PRKN: variants seen among roughly 807,000 people sequenced by gnomAD.
The protein encoded by PRKN is parkin RBR E3 ubiquitin protein ligase.
PRKN carries 56 observed loss-of-function variants against 59.5 expected under a neutral mutation model. The observed-to-expected ratio is 0.94, with a 90% CI of 0.76 to 1.18. The LOEUF is 1.18. Ranked by LOEUF, PRKN falls within the 50% of genes most tolerant of loss-of-function variation. PRKN has a pLI of 0.00. For missense variants in PRKN, 657 were observed against 596.4 expected (o/e 1.10, Z -1.06); for synonymous variants, 250 against 222.1 (o/e 1.13, Z -1.12).
intron 1 of PRKN, among the ~76,000 whole-genome samples, chr6:162,649,178 C>T (rs1435197808): frequency 1.3e-5 from 2 of 152,102 alleles, no homozygotes; most frequent in Admixed American, 1.3e-4. Context: ...TAATAATCAA[C>T]AAGTATTTAT....
intron 2 of PRKN, among the ~76,000 whole-genome samples, chr6:162,416,887 AT>A (rs907562569): frequency 6.6e-6 from 1 of 152,156 alleles, no homozygotes; most frequent in Non-Finnish European, 1.5e-5. Flanking sequence ...AATTAAAGAA[AT>A]TTTTTATTTA....
intron 2 of PRKN, among the ~76,000 whole-genome samples, chr6:162,295,476 G>A (rs555836962): frequency 5.4e-4 from 82 of 152,174 alleles, no homozygotes; most frequent in African/African-American, 1.9e-3. Context: ...AGCATCCCTC[G>A]CCAGCTGAGA....
intron 9 of PRKN, among the ~76,000 whole-genome samples, chr6:161,511,312 G>T (rs1778380857): frequency 6.6e-6 from 1 of 152,116 alleles, no homozygotes; most frequent in South Asian, 2.1e-4. Flanking sequence ...CTAGATTGCT[G>T]CTACATATAT....
chr6:162,529,828 T>C (rs937955441), intron 1 of PRKN, among the ~76,000 whole-genome samples: 3 of 152,156 alleles, frequency 2.0e-5, no homozygotes, highest in African/African-American at 7.2e-5. Context: ...ATAGCAACAG[T>C]AGATAAAGTA....
At chr6:162,483,622 C>T (rs534994538) in intron 1 of PRKN, among the ~76,000 whole-genome samples, 4 of 152,038 alleles carry the variant, frequency 2.6e-5, no homozygotes, top group South Asian at 2.1e-4. Flanking sequence ...TGTGATAACA[C>T]ATGATGTTCC....
At chr6:162,067,899 A>G (rs2128289750) in intron 4 of PRKN, among the ~76,000 whole-genome samples, 1 of 152,358 alleles carries the variant, frequency 6.6e-6, no homozygotes, top group East Asian at 1.9e-4. Context: ...TTTCAGACAC[A>G]GTTTTAAAAA....
intron 1 of PRKN, among the ~76,000 whole-genome samples, chr6:162,716,764 GCGCGCACGCACACACACA>G (rs1054063372): frequency 7.0e-5 from 10 of 142,118 alleles, no homozygotes; most frequent in African/African-American, 2.6e-4. Flanking sequence ...GCCTGCGCGC[GCGCGCACGCACACACACA>G]CGCGCACACA....
intron 1 of PRKN, among the ~76,000 whole-genome samples, chr6:162,456,950 C>T (rs1318014773): frequency 6.6e-6 from 1 of 152,142 alleles, no homozygotes; most frequent in East Asian, 1.9e-4. Context: ...ACAATGAAAT[C>T]ACCAATAAAA....
At chr6:161,366,982 C>CTTT (rs57164972) in intron 10 of PRKN, among the ~76,000 whole-genome samples, 19 of 91,968 alleles carry the variant, frequency 2.1e-4, no homozygotes, top group African/African-American at 2.6e-4. Flanking sequence ...TTTTTGTTTC[C>CTTT]TTTTTTTTTT....
chr6:161,985,505 G>GAC (rs1781403799), intron 5 of PRKN, among the ~76,000 whole-genome samples: 1 of 152,156 alleles, frequency 6.6e-6, no homozygotes, highest in Admixed American at 6.5e-5. Context: ...AAACTGAGGA[G>GAC]ACAGGTCACA....
At chr6:161,500,919 G>C (rs545749) in intron 9 of PRKN, among the ~76,000 whole-genome samples, 1 of 142,588 alleles carries the variant, frequency 7.0e-6, no homozygotes, top group East Asian at 2.1e-4. Context: ...TCTGTCGCCC[G>C]GGCTGGAGTG....
rs377433903 is a variant in PRKN, at chr6:162,339,947, G to C, written c.172-77182C>G. On this transcript the variant is annotated intron_variant, in intron 2 of 11. Coordinates refer to ENST00000366898, the MANE Select transcript of PRKN (RefSeq NM_004562.3). ...ACAGATGCTTGAAGGCAGCATGCTC[G>C]TTAAGAGTCATCACCAATCCCTAAT... is the stretch of plus-strand genomic sequence containing the variant. Among the ~76,000 whole-genome samples the C allele has an allele frequency of 5.1e-3, 732 of 144,782 alleles. 5 individuals carry two copies. Among genetic ancestry groups the C allele is most frequent in the African/African-American group, 0.016 (608 of 37,954 alleles). 95.0% of individuals were successfully genotyped at this position (144,782 alleles called of 152,430 possible). A position where few individuals can be genotyped will look rare whatever the true frequency, so the allele number is the denominator to read the frequency against.
At chr6:162,701,056 T>G (rs997248171) in intron 1 of PRKN, among the ~76,000 whole-genome samples, 1 of 152,160 alleles carries the variant, frequency 6.6e-6, no homozygotes, top group Non-Finnish European at 1.5e-5. Flanking sequence ...GGACTCCCTC[T>G]GAGATCAACA....
intron 9 of PRKN, among the ~76,000 whole-genome samples, chr6:161,450,323 C>T (rs1442264836): frequency 6.6e-6 from 1 of 152,200 alleles, no homozygotes; most frequent in Admixed American, 6.5e-5. Context: ...CCTGACTCAA[C>T]CAGAAGCTCA....
chr6:161,593,633 C>T lies in PRKN; in HGVS notation c.872-24217G>A, dbSNP rs1031963247. Reference sequence around the variant, plus strand: ...GGAAAAGGAGGCAGGGGTTGCGCTGCCACTTTTATCCTGAGGAACCGGCTG... The same window carrying T: ...GGAAAAGGAGGCAGGGGTTGCGCTGTCACTTTTATCCTGAGGAACCGGCTG... On this transcript the variant is annotated intron_variant, in intron 7 of 11. Coordinates refer to ENST00000366898, the MANE Select transcript of PRKN (RefSeq NM_004562.3). This position sits in a 1 kb window ranked among gnomAD's most constrained non-coding sequence, Gnocchi z 4.8. 6.6e-6 allele frequency among the ~76,000 whole-genome samples: 1 copy of T among 152,072 alleles called. No individual in the cohort carries two copies. The highest frequency in any genetic ancestry group is 2.4e-5 in the African/African-American group (1 of 41,402).
At chr6:162,247,767 TCTACAATTATGAAAGGCAAA>T (rs1203770123) in intron 3 of PRKN, among the ~76,000 whole-genome samples, 3 of 152,124 alleles carry the variant, frequency 2.0e-5, no homozygotes, top group African/African-American at 7.2e-5. Context: ...AAAATAAAAA[TCTACAATTATGAAAGGCAAA>T]GTTTCCTCAC....
intron 6 of PRKN, among the ~76,000 whole-genome samples, chr6:161,924,945 G>A (rs1182346733): frequency 1.3e-5 from 2 of 152,220 alleles, no homozygotes; most frequent in African/African-American, 2.4e-5. Context: ...ACGGCTGCCC[G>A]TGGGGAGGCT....
intron 2 of PRKN, among the ~76,000 whole-genome samples, chr6:162,266,298 TTG>T (rs60841593): frequency 0.095 from 13,825 of 145,808 alleles, 849 homozygotes; most frequent in African/African-American, 0.18. Flanking sequence ...TACATATATA[TTG>T]TGTGTGTGTG....
At position 161,459,325 on chromosome 6, in the gene PRKN, C is replaced by A. The variant is rs1265594800; in HGVS notation, c.1084-72448G>T. On this transcript the variant is annotated intron_variant, in intron 9 of 11. Coordinates refer to ENST00000366898, the MANE Select transcript of PRKN (RefSeq NM_004562.3). The surrounding 1 kb of genome is among the most constrained non-coding windows in gnomAD (Gnocchi z 4.8). Reference sequence around the variant, plus strand: ...AAGAATGAGAACATTCTCAGAAATGCCCTTGAAGTGACTATTAATTCCAGA... The same window carrying A: ...AAGAATGAGAACATTCTCAGAAATGACCTTGAAGTGACTATTAATTCCAGA... 1.3e-5 allele frequency among the ~76,000 whole-genome samples: 2 copies of A among 152,134 alleles called. No individual in the cohort carries two copies. Among genetic ancestry groups the A allele is most frequent in the African/African-American group, 4.8e-5 (2 of 41,420 alleles).
Sources: gnomAD v4.1 joint callset for allele counts (sites outside exome capture counted in the v4.1 genomes callset) on GRCh38, gnomAD v4.1.1 for gene constraint, Gnocchi (gnomAD v3.1) non-coding constraint, MANE v1.5 for transcripts, NCBI Gene and HGNC (gene_info 2026-07-23, HGNC 2026-07-21) for gene names.